TM9SF4: variants seen among roughly 807,000 people sequenced by gnomAD.
The protein encoded by TM9SF4 is dinucleotide oxidase disulfide thiol exchanger 3 superfamily member 4.
TM9SF4 carries 26 observed loss-of-function variants against 90.4 expected under a neutral mutation model. The observed-to-expected ratio is 0.29, with a 90% CI of 0.21 to 0.40. TM9SF4 has a LOEUF of 0.40. Among genes scored for constraint, TM9SF4 ranks in the 10% least tolerant of loss-of-function variants. The pLI, the probability that TM9SF4 is intolerant of heterozygous loss-of-function variation, is 1.00. For synonymous variants in TM9SF4, 293 were observed against 315.4 expected (o/e 0.93, Z 0.75); for missense variants, 549 against 834.8 (o/e 0.66, Z 4.22).
intron 10 of TM9SF4, among the ~76,000 whole-genome samples, chr20:32,150,267 A>C (rs2046822443): frequency 6.6e-6 from 1 of 152,110 alleles, no homozygotes; most frequent in African/African-American, 2.4e-5. Flanking sequence ...AAAAATAGGG[A>C]AAGTAATCAC....
Position 32,123,866 on chromosome 20 carries a change from A to ATATATATATTTTT in TM9SF4, c.16-9146_16-9145insATATATATTTTTT. The stretch of plus-strand genomic sequence containing the variant: ...CTCTCATATATATATATATATATAT[A>ATATATATATTTTT]TTTTTTTTTTTAAAGAGATAGGGTC... On this transcript the variant is annotated intron_variant, in intron 1 of 17. Transcript: ENST00000398022. Among the ~76,000 whole-genome samples the ATATATATATTTTT allele has an allele frequency of 5.9e-4, 55 of 93,904 alleles. 1 individual carries two copies. Among genetic ancestry groups the ATATATATATTTTT allele is most frequent in the East Asian group, 3.7e-3 (5 of 1,356 alleles). 61.6% of individuals were successfully genotyped at this position (93,904 alleles called of 152,430 possible).
intron 1 of TM9SF4, among the ~76,000 whole-genome samples, chr20:32,128,711 G>GTTGTCTCCTGTTTC (rs2046460077): frequency 3.9e-5 from 6 of 152,000 alleles, no homozygotes; most frequent in African/African-American, 7.3e-5. Flanking sequence ...TTTCACGTAA[G>GTTGTCTCCTGTTTC]ATAATAGTCT....
chr20:32,155,232 A>T lies in TM9SF4; in HGVS notation c.1329+46A>T, dbSNP rs747594360. On this transcript the variant is annotated intron_variant, in intron 13 of 17. Coordinates refer to ENST00000398022, the MANE Select transcript of TM9SF4 (RefSeq NM_014742.4). ...TCCAGCCCCTCCCCAGCAAGCGAGG[A>T]CCAGTTGCACTCAGCCCTACTCCCA... 3.1e-5 allele frequency: 47 copies of T among 1,493,790 alleles called. No individual in the cohort carries two copies. In the Admixed American group the frequency reaches 7.9e-4, roughly 25 times the overall value. The allele number at this position is 1,493,790 out of a possible 1,614,324, so 92.5% of individuals were successfully genotyped here.
At chr20:32,150,752 A>G (rs1600327593) in intron 11 of TM9SF4, 48 bp from the exon 12 acceptor site, 2 of 1,614,098 alleles carry the variant, frequency 1.2e-6, no homozygotes, top group Non-Finnish European at 1.7e-6. Flanking sequence ...CCTCCTCCAC[A>G]CCAGCTAATG....
chr20:32,127,546 G>T (rs375894757), intron 1 of TM9SF4, among the ~76,000 whole-genome samples: 7 of 152,322 alleles, frequency 4.6e-5, no homozygotes, highest in Admixed American at 2.6e-4. Flanking sequence ...CTGTCACTGT[G>T]CCTTGTGCTT....
chr20:32,142,042 C>A, intron 5 of TM9SF4, 147 bp downstream of exon 5: 1 of 1,325,250 alleles, frequency 7.5e-7, no homozygotes. Flanking sequence ...CCGAGTGCTC[C>A]GGGCAAGTCC....
At position 32,122,258 on chromosome 20, in the gene TM9SF4, ACCCCCC is replaced by A. The variant is rs1569050260; in HGVS notation, c.16-10754_16-10749del. Among the ~76,000 whole-genome samples the A allele has an allele frequency of 1.8e-4, 4 of 22,774 alleles. No homozygotes were observed. The East Asian group carries it at 0.017, about 94-fold the overall frequency. The allele number at this position is 22,774 out of a possible 152,430, so 14.9% of individuals were successfully genotyped here. ...GGGCGGCTGGCCTGGCGGGGGGCTG[ACCCCCC>A]ACCTCCCTCCCGGACGGGGCGGCTG... On this transcript the variant is annotated intron_variant, in intron 1 of 17. Transcript: ENST00000398022.
chr20:32,109,848 C>T lies in TM9SF4; in HGVS notation c.15+93C>T. 9 of 1,544,766 alleles carry T rather than the reference C, an allele frequency of 5.8e-6. No homozygotes were observed. The South Asian group carries it at 8.3e-5, about 14-fold the overall frequency. ...GCACCCCATGCCTGGCCCTGAGCCA[C>T]CTCCGGGACCCCTGACTCAGGCCTG... On this transcript the variant is annotated intron_variant, in intron 1 of 17. Transcript: ENST00000398022.
chr20:32,132,705 G>A (rs998155783), intron 1 of TM9SF4, among the ~76,000 whole-genome samples: 2 of 152,220 alleles, frequency 1.3e-5, no homozygotes, highest in African/African-American at 4.8e-5. Context: ...TATCCTGGGA[G>A]TTACACACTA....
chr20:32,120,291 A>G (rs1047473042), intron 1 of TM9SF4, among the ~76,000 whole-genome samples: 1 of 151,844 alleles, frequency 6.6e-6, no homozygotes, highest in Non-Finnish European at 1.5e-5. Context: ...TATCTCCGCA[A>G]TTACCTTTGT....
chr20:32,156,235 A>G (rs1386394846), intron 13 of TM9SF4, among the ~76,000 whole-genome samples: 1 of 152,224 alleles, frequency 6.6e-6, no homozygotes, highest in Non-Finnish European at 1.5e-5. Context: ...CTTTATATAT[A>G]TATTTCTTTT....
At chr20:32,151,412 C>G (rs965966194) in intron 12 of TM9SF4, among the ~76,000 whole-genome samples, 1 of 150,108 alleles carries the variant, frequency 6.7e-6, no homozygotes, top group Admixed American at 6.7e-5. Context: ...GACCTCACCT[C>G]CCAGGGATCC....
chr20:32,132,963 T>C, intron 1 of TM9SF4, 50 bp from the exon 2 acceptor site: 1 of 1,543,854 alleles, frequency 6.5e-7, no homozygotes, highest in Non-Finnish European at 8.9e-7. Context: ...CCTCAGAGGA[T>C]CTTCTTCACT....
intron 1 of TM9SF4, among the ~76,000 whole-genome samples, chr20:32,118,104 T>C (rs1186379537): frequency 6.6e-6 from 1 of 152,216 alleles, no homozygotes; most frequent in African/African-American, 2.4e-5. Context: ...GATGAAGTCA[T>C]AGAATCATAA....
chr20:32,163,268 A>AAAATATATATAT (rs1555886757), intron 17 of TM9SF4, among the ~76,000 whole-genome samples: 2 of 74,486 alleles, frequency 2.7e-5, no homozygotes, highest in African/African-American at 1.2e-4. Context: ...AAAAAAAAAA[A>AAAATATATATAT]ATATATATAT....
intron 17 of TM9SF4, among the ~76,000 whole-genome samples, chr20:32,163,633 A>G (rs1049750016): frequency 2.7e-5 from 3 of 111,744 alleles, no homozygotes; most frequent in African/African-American, 1.1e-4. Flanking sequence ...TTTTTTTGAG[A>G]TGGAGACTCG....
intron 1 of TM9SF4, among the ~76,000 whole-genome samples, chr20:32,120,395 GTT>G (rs34639926): frequency 6.0e-5 from 7 of 116,212 alleles, no homozygotes; most frequent in Non-Finnish European, 8.6e-5. Flanking sequence ...TAAGTGGTGC[GTT>G]TTTTTTTTTT....
intron 17 of TM9SF4, among the ~76,000 whole-genome samples, chr20:32,162,048 A>G (rs191233363): frequency 6.6e-6 from 1 of 152,284 alleles, no homozygotes; most frequent in African/African-American, 2.4e-5. Flanking sequence ...AAGAATACAG[A>G]TGTCCCCACG....
At chr20:32,137,068 TC>T in intron 3 of TM9SF4, 1 of 455,444 alleles carries the variant, frequency 2.2e-6, no homozygotes, top group Non-Finnish European at 4.4e-6. Context: ...TAGGACCATC[TC>T]CCCCTAATAC....
Sources: allele counts gnomAD v4.1 joint callset (sites outside exome capture counted in the v4.1 genomes callset), GRCh38; gene constraint gnomAD v4.1.1; transcripts MANE v1.5; gene names NCBI Gene and HGNC (gene_info 2026-07-23, HGNC 2026-07-21).